Variants in KRT19 observed in about 807,000 individuals in gnomAD.
KRT19 encodes keratin 19.
Under a neutral mutation model 34.6 loss-of-function variants are expected in KRT19, and 21 were observed. The observed-to-expected ratio is 0.61, with a 90% CI of 0.43 to 0.87. The LOEUF (loss-of-function observed/expected upper bound fraction) is 0.87. Among genes scored for constraint, KRT19 ranks in the 40% least tolerant of loss-of-function variants. The pLI is 0.00. For missense variants in KRT19, 514 were observed against 545.7 expected (o/e 0.94, Z 0.58); for synonymous variants, 240 against 245.8 (o/e 0.98, Z 0.22).
rs570606574 is a variant in KRT19 at position 41,526,255 on chromosome 17, T to C, written c.421-982A>G. Reference sequence around the variant, plus strand: ...TCCCAAAGTGCTGGGATTACAGGCATGAGCCACCGCGCCCGGCCGATTGTG... The same window carrying C: ...TCCCAAAGTGCTGGGATTACAGGCACGAGCCACCGCGCCCGGCCGATTGTG... On this transcript the variant is annotated intron_variant, in intron 1 of 5. Coordinates refer to ENST00000361566, the MANE Select transcript of KRT19 (RefSeq NM_002276.5). 3.3e-5 allele frequency among the ~76,000 whole-genome samples: 5 copies of C among 152,310 alleles called. No homozygotes were observed. The South Asian group carries it at 1.0e-3, about 32-fold the overall frequency.
intron 1 of KRT19, among the ~76,000 whole-genome samples, chr17:41,526,877 T>A (rs1388493884): frequency 6.6e-6 from 1 of 152,208 alleles, no homozygotes; most frequent in Non-Finnish European, 1.5e-5. Context: ...CCAGCCCCTG[T>A]AGGTCACAAT....
Position 41,524,410 on chromosome 17 carries a change from C to T in KRT19, c.791G>A (p.Arg264Gln), listed in dbSNP as rs771481229. 29 of 1,614,108 alleles carry T rather than the reference C, an allele frequency of 1.8e-5. No individual in the cohort carries two copies. In the Admixed American group the frequency reaches 3.2e-4, roughly 18 times the overall value. Reference sequence around the variant, plus strand: ...GGTGAACCAGGCTTCAGCATCCTTCCGGTTCTGCTCGGCCATGACCTCATA... The same window carrying T: ...GGTGAACCAGGCTTCAGCATCCTTCTGGTTCTGCTCGGCCATGACCTCATA... The part of the protein sequence containing the change: ...SQYEVMAEQN[R>Q]KDAEAWFTSR... The change falls in exon 4 of 6, where the codon CGG becomes CAG. Residue 264 changes from arginine to glutamine, a missense_variant. Transcript: ENST00000361566.
In KRT19 at chr17:41,524,213, C is replaced by T; in HGVS notation, c.878G>A (p.Arg293Lys). The change falls in exon 5 of 6, where the codon AGG becomes AAG. Residue 293 changes from arginine to lysine, a missense_variant. By Grantham distance (26) the Arg-to-Lys change is conservative (BLOSUM62 2). Coordinates refer to ENST00000361566, the MANE Select transcript of KRT19 (RefSeq NM_002276.5). ...AGHTEQLQMS[R>K]SEVTDLRRTL... Reference sequence around the variant, plus strand: ...GCGCCGCAGGTCAGTAACCTCGGACCTGCTCATCTGGAGCTGCTCCGTGTG... The same window carrying T: ...GCGCCGCAGGTCAGTAACCTCGGACTTGCTCATCTGGAGCTGCTCCGTGTG... 4.3e-6 allele frequency: 7 copies of T among 1,614,154 alleles called. No homozygotes were observed. Among genetic ancestry groups the T allele is most frequent in the Non-Finnish European group, 5.9e-6 (7 of 1,180,026 alleles).
At position 41,525,288 on chromosome 17, in the gene KRT19, C is replaced by G. The variant is rs1905824004; in HGVS notation, c.421-15G>C. ...GCACCAAGAATCTGGAAGGCAGAGGCAGAGGTTGGTACCAGTTCAACACAC... is the reference window on the plus strand; with the variant it reads ...GCACCAAGAATCTGGAAGGCAGAGGGAGAGGTTGGTACCAGTTCAACACAC... On this transcript the variant is annotated splice_polypyrimidine_tract_variant and intron_variant, in intron 1 of 5. Transcript: ENST00000361566. 5.0e-6 allele frequency: 8 copies of G among 1,600,364 alleles called. No individual in the cohort carries two copies. The highest frequency in any genetic ancestry group is 6.9e-6 in the Non-Finnish European group (8 of 1,167,502).
chr17:41,524,975 G>A lies in KRT19; in HGVS notation c.528C>T (p.Arg176=), dbSNP rs368471381. 6 of 1,614,080 alleles carry A rather than the reference G, an allele frequency of 3.7e-6. No homozygotes were observed. In the African/African-American group the frequency reaches 6.7e-5, roughly 18 times the overall value. Residue 176 remains arginine (R), a synonymous_variant, in exon 3 of 6, where the codon CGC becomes CGT. Transcript: ENST00000361566. Reference sequence around the variant, plus strand: ...CGTTGATGTCGGCCTCCACGCTCATGCGCAGAGCCTGTTCCGTCTCAAACC... The same window carrying A: ...CGTTGATGTCGGCCTCCACGCTCATACGCAGAGCCTGTTCCGTCTCAAACC... ...RTKFETEQAL[R]MSVEADINGL...
intron 1 of KRT19, chr17:41,525,746 G>T: frequency 5.8e-6 from 1 of 172,794 alleles, no homozygotes; most frequent in Non-Finnish European, 1.2e-5. Context: ...TAGGTCAGTG[G>T]GTACTCCTAT....
chr17:41,528,203 G>C lies in KRT19; in HGVS notation c.45C>G (p.Phe15Leu), dbSNP rs766759618. The C allele has an allele frequency of 1.3e-6, 2 of 1,585,082 alleles. No individual in the cohort carries two copies. Among genetic ancestry groups the C allele is most frequent in the Non-Finnish European group, 8.5e-7 (1 of 1,173,334 alleles). Residue 15 changes from phenylalanine to leucine, a missense_variant, in exon 1 of 6, where the codon TTC becomes TTG. Phe to Leu is a conservative substitution (Grantham distance 22). Transcript: ENST00000361566. Reference protein sequence around the residue: ...SYRQSSATSSFGGLGGGSVRF... With the variant: ...SYRQSSATSSLGGLGGGSVRF... ...GCACGGAGCCGCCGCCCAGGCCTCC[G>C]AAGGACGACGTGGCCGACGACTGGC...
chr17:41,525,163 C>T (rs1190465063), intron 2 of KRT19, 28 bp downstream of exon 2: 2 of 1,599,644 alleles, frequency 1.3e-6, no homozygotes, highest in Middle Eastern at 1.7e-4. Flanking sequence ...GTCCTGGCTT[C>T]TGCAGCCCCC....
Position 41,528,071 on chromosome 17 carries a change from C to T in KRT19, c.177G>A (p.Gly59=). The T allele has an allele frequency of 6.2e-7, 1 of 1,610,132 alleles. No homozygotes were observed. Among genetic ancestry groups the T allele is most frequent in the Non-Finnish European group, 8.5e-7 (1 of 1,177,990 alleles). ...SARFVSSSSS[G]AYGGGYGGVL... ...CGCCGCCGTAGCCGCCGCCGTAGGC[C>T]CCCGAGGAGGACGAGGACACAAAGC... The change falls in exon 1 of 6, where the codon GGG becomes GGA. Residue 59 remains glycine, a synonymous_variant. Transcript: ENST00000361566.
At chr17:41,525,422 C>T (rs1387552845) in intron 1 of KRT19, 149 bp from the exon 2 acceptor site, 2 of 676,914 alleles carry the variant, frequency 3.0e-6, no homozygotes, top group African/African-American at 1.8e-5. Context: ...CATTGGCCCG[C>T]TCTCTGGGAG....
chr17:41,528,237 T>C lies in KRT19; in HGVS notation c.11A>G (p.Tyr4Cys), dbSNP rs770701407. The C allele has an allele frequency of 1.3e-5, 21 of 1,562,096 alleles. No homozygotes were observed. Among genetic ancestry groups the C allele is most frequent in the African/African-American group, 2.7e-5 (2 of 73,606 alleles). The change falls in exon 1 of 6, where the codon TAC becomes TGC. Residue 4 changes from tyrosine to cysteine, a missense_variant. Transcript: ENST00000361566. MTS[Y>C]SYRQSSATSS... ...CGTGGCCGACGACTGGCGATAGCTG[T>C]AGGAAGTCATGGCGAGGCGGAGCAC... is the stretch of plus-strand genomic sequence containing the variant.
chr17:41,523,766 A>G lies in KRT19; in HGVS notation c.1180T>C (p.Leu394=), dbSNP rs2144532965. 6.2e-7 allele frequency: 1 copy of G among 1,613,818 alleles called. No individual in the cohort carries two copies. The highest frequency in any genetic ancestry group is 2.2e-5 in the East Asian group (1 of 44,868). ...CCTCAGAGGACCTTGGAGGCAGACA[A>G]ATTGTTGTAGTGATCTTCCTGTCCC... ...LEGQEDHYNN[L]SASKVL Residue 394 remains leucine, a synonymous_variant, in exon 6 of 6, where the codon TTG becomes CTG. Coordinates refer to ENST00000361566, the MANE Select transcript of KRT19 (RefSeq NM_002276.5).
At chr17:41,525,837 C>T (rs948137905) in intron 1 of KRT19, among the ~76,000 whole-genome samples, 1 of 152,146 alleles carries the variant, frequency 6.6e-6, no homozygotes, top group Non-Finnish European at 1.5e-5. Flanking sequence ...ACCTAAGAGG[C>T]GCATTCACAA....
chr17:41,525,279 A>T lies in KRT19; in HGVS notation c.421-6T>A, dbSNP rs746933970. ...TCAATGGTGGCACCAAGAATCTGGA[A>T]GGCAGAGGCAGAGGTTGGTACCAGT... On this transcript the variant is annotated splice_polypyrimidine_tract_variant and splice_region_variant and intron_variant, in intron 1 of 5. Coordinates refer to ENST00000361566, the MANE Select transcript of KRT19 (RefSeq NM_002276.5). 6.2e-7 allele frequency: 1 copy of T among 1,604,910 alleles called. No individual in the cohort carries two copies. The highest frequency in any genetic ancestry group is 1.3e-5 in the African/African-American group (1 of 74,762).
rs747600254 is a variant in KRT19, at chr17:41,528,164, C to A, written c.84G>T (p.Gly28=). The change falls in exon 1 of 6, where the codon GGG becomes GGT. Residue 28 remains glycine, a synonymous_variant. Coordinates refer to ENST00000361566, the MANE Select transcript of KRT19 (RefSeq NM_002276.5). ...LGGGSVRFGP[G]VAFRAPSIHG... ...GAATGCTGGGCGCGCGAAAGGCGAC[C>A]CCCGGCCCAAAACGCACGGAGCCGC... 6 of 1,594,860 alleles carry A rather than the reference C, an allele frequency of 3.8e-6. No individual in the cohort carries two copies. The East Asian group carries it at 1.1e-4, about 30-fold the overall frequency.
chr17:41,527,991 T>C lies in KRT19; in HGVS notation c.257A>G (p.Asn86Ser). 1 of 1,613,230 alleles carries C rather than the reference T, an allele frequency of 6.2e-7. No individual in the cohort carries two copies. Among genetic ancestry groups the C allele is most frequent in the Non-Finnish European group, 8.5e-7 (1 of 1,179,720 alleles). Reference protein sequence around the residue: ...LAGNEKLTMQNLNDRLASYLD... With the variant: ...LAGNEKLTMQSLNDRLASYLD... Reference sequence around the variant, plus strand: ...GTAGGAGGCCAGGCGGTCGTTGAGGTTCTGCATGGTTAGCTTCTCGTTGCC... The same window carrying C: ...GTAGGAGGCCAGGCGGTCGTTGAGGCTCTGCATGGTTAGCTTCTCGTTGCC... The change falls in exon 1 of 6, where the codon AAC becomes AGC. Residue 86 changes from asparagine (N) to serine (S), a missense_variant. Asn to Ser is a conservative substitution (Grantham distance 46, BLOSUM62 1). Coordinates refer to ENST00000361566, the MANE Select transcript of KRT19 (RefSeq NM_002276.5).
rs371077120 is a variant in KRT19, at chr17:41,524,252, C to T, written c.839G>A (p.Arg280Gln). ...WFTSRTEELNREVAGHTEQLQ... is the reference protein window; with the variant it reads ...WFTSRTEELNQEVAGHTEQLQ... ...CTGCTCCGTGTGGCCAGCGACCTCCCGGTTCAATTCTTCAGTCTGCAGAGA... is the reference window on the plus strand; with the variant it reads ...CTGCTCCGTGTGGCCAGCGACCTCCTGGTTCAATTCTTCAGTCTGCAGAGA... The change falls in exon 5 of 6, where the codon CGG becomes CAG. Residue 280 changes from arginine (R) to glutamine (Q), a missense_variant. Transcript: ENST00000361566. The T allele has an allele frequency of 2.0e-5, 32 of 1,614,000 alleles. No individual in the cohort carries two copies. The highest frequency in any genetic ancestry group is 4.0e-5 in the African/African-American group (3 of 75,038).
intron 1 of KRT19, among the ~76,000 whole-genome samples, chr17:41,526,809 G>A (rs1905883166): frequency 6.6e-6 from 1 of 152,078 alleles, no homozygotes; most frequent in African/African-American, 2.4e-5. Context: ...TGGGGCTCAA[G>A]CAATCCTCCC....
rs1270861150 is a variant in KRT19 at position 41,524,262 on chromosome 17, C to A, written c.829G>T (p.Glu277Ter). ...TGGCCAGCGACCTCCCGGTTCAATT[C>A]TTCAGTCTGCAGAGAGAGGAAGAAG... Reference protein sequence around the residue: ...AEAWFTSRTEELNREVAGHTE... With the variant: ...AEAWFTSRTE Residue 277 changes from glutamate (E) to a stop codon, truncating the protein, a stop_gained, in exon 5 of 6, where the codon GAA becomes TAA. Coordinates refer to ENST00000361566, the MANE Select transcript of KRT19 (RefSeq NM_002276.5). LOFTEE classifies it high-confidence loss of function. 6 of 1,613,954 alleles carry A rather than the reference C, an allele frequency of 3.7e-6. No individual in the cohort carries two copies. Among genetic ancestry groups the A allele is most frequent in the South Asian group, 3.3e-5 (3 of 91,024 alleles).
Sources: gnomAD v4.1 joint callset for allele counts (sites outside exome capture counted in the v4.1 genomes callset) on GRCh38, gnomAD v4.1.1 for gene constraint, MANE v1.5 for transcripts, NCBI Gene and HGNC (gene_info 2026-07-23, HGNC 2026-07-21) for gene names.